The following RBFOX1 variants were observed in gnomAD, a reference collection of about 807,000 sequenced individuals.
RBFOX1 encodes RNA binding protein fox-1 homolog 1.
RBFOX1 carries 8 observed loss-of-function variants against 57.7 expected under a neutral mutation model. That is an observed-to-expected ratio of 0.14 (90% confidence interval 0.08 to 0.25). The LOEUF is 0.25. Ranked by LOEUF, RBFOX1 falls within the 10% of genes least tolerant of loss-of-function variation. RBFOX1 has a pLI of 1.00. For missense variants in RBFOX1, 611 were observed against 548.5 expected (o/e 1.11, Z -1.14); for synonymous variants, 326 against 222.4 (o/e 1.47, Z -4.15).
intron 4 of RBFOX1, among the ~76,000 whole-genome samples, chr16:7,117,256 G>A (rs373269480): frequency 6.6e-6 from 1 of 152,052 alleles, no homozygotes; most frequent in African/African-American, 2.4e-5. Flanking sequence ...AAAACTGATC[G>A]TTTCATTGTA....
At chr16:6,357,253 C>G (rs945439410) in intron 2 of RBFOX1, among the ~76,000 whole-genome samples, 2 of 152,002 alleles carry the variant, frequency 1.3e-5, no homozygotes, top group Middle Eastern at 3.2e-3. Context: ...GGTCCCTGAG[C>G]AAATAAACAG....
At chr16:6,488,866 C>G (rs1296049127) in intron 2 of RBFOX1, among the ~76,000 whole-genome samples, 2 of 152,128 alleles carry the variant, frequency 1.3e-5, no homozygotes, top group African/African-American at 4.8e-5. Context: ...TAATTATACC[C>G]TAGGTAATAT....
At chr16:7,075,242 C>G (rs1054838620) in intron 4 of RBFOX1, among the ~76,000 whole-genome samples, 16 of 152,092 alleles carry the variant, frequency 1.1e-4, no homozygotes, top group African/African-American at 3.4e-4. Flanking sequence ...AGTAAAAGTG[C>G]TTCATTGCTC....
chr16:5,322,184 C>A (rs1369663625), intron 1 of RBFOX1, among the ~76,000 whole-genome samples: 1 of 152,174 alleles, frequency 6.6e-6, no homozygotes, highest in Non-Finnish European at 1.5e-5. Flanking sequence ...ACTTGGGTTC[C>A]TTCCAGTTCT....
intron 3 of RBFOX1, among the ~76,000 whole-genome samples, chr16:5,705,943 C>T (rs529398750): frequency 6.6e-6 from 1 of 152,228 alleles, no homozygotes; most frequent in South Asian, 2.1e-4. Flanking sequence ...CAGAGTCTTG[C>T]TCTGTTGCCC....
At chr16:6,960,804 G>C (rs1188521294) in intron 3 of RBFOX1, among the ~76,000 whole-genome samples, 1 of 151,848 alleles carries the variant, frequency 6.6e-6, no homozygotes, top group Non-Finnish European at 1.5e-5. Context: ...GATTGGCCCA[G>C]GGTTGGGTAC....
At chr16:6,270,627 C>G (rs1439959954) in intron 1 of RBFOX1, among the ~76,000 whole-genome samples, 1 of 151,988 alleles carries the variant, frequency 6.6e-6, no homozygotes, top group African/African-American at 2.4e-5. Context: ...AAGAATATCA[C>G]AATTATAGTC....
chr16:6,164,408 T>A (rs2096900932), intron 1 of RBFOX1, among the ~76,000 whole-genome samples: 1 of 151,956 alleles, frequency 6.6e-6, no homozygotes, highest in African/African-American at 2.4e-5. Context: ...ATTTCCAAAA[T>A]ATATATATAT....
At chr16:6,719,735 C>T (rs186056268) in intron 3 of RBFOX1, among the ~76,000 whole-genome samples, 66 of 152,068 alleles carry the variant, frequency 4.3e-4, no homozygotes, top group African/African-American at 1.2e-3. Flanking sequence ...CGTGAGCCAC[C>T]GCACTTGGCC....
chr16:7,656,363 T>C (rs1018181391), intron 12 of RBFOX1, among the ~76,000 whole-genome samples: 1 of 151,958 alleles, frequency 6.6e-6, no homozygotes, highest in Non-Finnish European at 1.5e-5. Context: ...ATAAACAGAT[T>C]AGGTTGCAGG....
chr16:6,895,542 A>G (rs771494167), intron 3 of RBFOX1, among the ~76,000 whole-genome samples: 1 of 148,120 alleles, frequency 6.8e-6, no homozygotes, highest in South Asian at 2.2e-4. Flanking sequence ...TCTACAAGGC[A>G]GCTGCACATG....
intron 12 of RBFOX1, among the ~76,000 whole-genome samples, chr16:7,663,936 C>T (rs542147049): frequency 6.6e-6 from 1 of 152,136 alleles, no homozygotes; most frequent in Non-Finnish European, 1.5e-5. Flanking sequence ...TACCAAAAAG[C>T]TTCTGGGGAA....
intron 3 of RBFOX1, among the ~76,000 whole-genome samples, chr16:7,020,090 C>T (rs1408304708): frequency 1.3e-5 from 2 of 151,988 alleles, no homozygotes. Context: ...CTCCCCACTT[C>T]CATTGTCAAG....
chr16:6,305,679 G>C (rs1477859284), intron 1 of RBFOX1, among the ~76,000 whole-genome samples: 3 of 148,748 alleles, frequency 2.0e-5, no homozygotes, highest in Admixed American at 6.7e-5. Context: ...TACCTCATTT[G>C]ATCATGGGGA....
chr16:7,161,696 G>T (rs550756875), intron 4 of RBFOX1, among the ~76,000 whole-genome samples: 1 of 152,276 alleles, frequency 6.6e-6, no homozygotes, highest in African/African-American at 2.4e-5. Flanking sequence ...TTTTTCTAGT[G>T]AGGGTTTCTG....
chr16:5,635,156 G>T (rs960380861), intron 3 of RBFOX1, among the ~76,000 whole-genome samples: 7 of 152,122 alleles, frequency 4.6e-5, no homozygotes, highest in African/African-American at 1.2e-4. Flanking sequence ...TTTCACTTTT[G>T]ACTTTTCTGC....
chr16:5,717,197 A>G lies in RBFOX1; in HGVS notation c.318+118236A>G, dbSNP rs547702918. Among the ~76,000 whole-genome samples, 15 of 152,204 alleles carry G rather than the reference A, an allele frequency of 9.9e-5. 1 individual carries two copies. In the South Asian group the frequency reaches 2.5e-3, roughly 25 times the overall value. Reference sequence around the variant, plus strand: ...AAGTTCAGTGTTATAATAATTTATAATCTCTTAATTTCTTATTATGGTTGT... The same window carrying G: ...AAGTTCAGTGTTATAATAATTTATAGTCTCTTAATTTCTTATTATGGTTGT... On this transcript the variant is annotated intron_variant, in intron 3 of 19. Coordinates refer to the RBFOX1 transcript ENST00000641259.
intron 4 of RBFOX1, among the ~76,000 whole-genome samples, chr16:7,408,624 G>C (rs1356867769): frequency 6.6e-6 from 1 of 152,158 alleles, no homozygotes; most frequent in African/African-American, 2.4e-5. Context: ...TGGTCTAGAG[G>C]AGCAATCAAG....
intron 3 of RBFOX1, among the ~76,000 whole-genome samples, chr16:6,868,247 G>A (rs1243999241): frequency 6.6e-6 from 1 of 152,098 alleles, no homozygotes; most frequent in Non-Finnish European, 1.5e-5. Flanking sequence ...TTCGTGGTCT[G>A]CAGCAGTGGA....
Sources: gnomAD v4.1 joint callset for allele counts (sites outside exome capture counted in the v4.1 genomes callset) on GRCh38, gnomAD v4.1.1 for gene constraint, MANE v1.5 for transcripts, NCBI Gene and HGNC (gene_info 2026-07-23, HGNC 2026-07-21) for gene names.